The following DCAF1 variants were observed in gnomAD, a reference collection of about 807,000 sequenced individuals.
DCAF1 encodes DDB1- and CUL4-associated factor 1.
A neutral mutation model predicts 128.0 loss-of-function variants in DCAF1; 15 were observed. That is an observed-to-expected ratio of 0.12 (90% CI 0.08 to 0.18). DCAF1 has a LOEUF of 0.18. Among genes scored for constraint, DCAF1 ranks in the 10% least tolerant of loss-of-function variants. The probability of loss-of-function intolerance (pLI) is 1.00; values close to 1 mark genes in which losing one functional copy is unlikely to be tolerated. For synonymous variants in DCAF1, 610 were observed against 603.0 expected (o/e 1.01, Z -0.17); for missense variants, 988 against 1,649.5 (o/e 0.60, Z 6.95).
intron 23 of DCAF1, among the ~76,000 whole-genome samples, chr3:51,404,335 C>A (rs1203999089): frequency 6.6e-6 from 1 of 152,192 alleles, no homozygotes; most frequent in African/African-American, 2.4e-5. Flanking sequence ...ATGTAAAATT[C>A]ATTTAATACA....
At chr3:51,459,192 C>A (rs1216415058) in intron 6 of DCAF1, among the ~76,000 whole-genome samples, 1 of 152,066 alleles carries the variant, frequency 6.6e-6, no homozygotes, top group Non-Finnish European at 1.5e-5. Context: ...ACAGAAGGAT[C>A]AAATAGACAC....
chr3:51,450,226 A>G (rs1202946314), intron 6 of DCAF1, among the ~76,000 whole-genome samples: 2 of 152,316 alleles, frequency 1.3e-5, no homozygotes, highest in East Asian at 3.9e-4. Context: ...AATCCTTCTC[A>G]TAACTCTTCC....
chr3:51,474,084 C>T (rs955196725), intron 3 of DCAF1, among the ~76,000 whole-genome samples: 5 of 151,892 alleles, frequency 3.3e-5, no homozygotes, highest in Non-Finnish European at 7.4e-5. Context: ...GCTGGGATTA[C>T]AGGTGTGAGC....
intron 3 of DCAF1, among the ~76,000 whole-genome samples, chr3:51,476,917 A>G (rs1358740626): frequency 6.6e-6 from 1 of 151,896 alleles, no homozygotes; most frequent in African/African-American, 2.4e-5. Context: ...CCCTGTCTCT[A>G]TTAAAAAAAA....
intron 12 of DCAF1, among the ~76,000 whole-genome samples, chr3:51,427,765 T>A (rs374639697): frequency 6.6e-6 from 1 of 152,128 alleles, no homozygotes; most frequent in Admixed American, 6.6e-5. Flanking sequence ...CCCAAGTAGC[T>A]AGAACCACAG....
chr3:51,475,240 A>AC (rs1240914891), intron 3 of DCAF1, among the ~76,000 whole-genome samples: 1 of 150,830 alleles, frequency 6.6e-6, no homozygotes, highest in African/African-American at 2.4e-5. Context: ...TCAAAAAAGA[A>AC]AAAAAAAAAC....
chr3:51,490,261 C>T (rs1443863274), intron 2 of DCAF1, among the ~76,000 whole-genome samples: 1 of 151,976 alleles, frequency 6.6e-6, no homozygotes, highest in Non-Finnish European at 1.5e-5. Flanking sequence ...ACAAAAAAGG[C>T]AAAAAATTAG....
intron 14 of DCAF1, among the ~76,000 whole-genome samples, chr3:51,421,267 ATT>A (rs1303090153): frequency 6.6e-6 from 1 of 151,962 alleles, no homozygotes; most frequent in Non-Finnish European, 1.5e-5. Context: ...TGGTTTTATT[ATT>A]TTTTTGAGGC....
At chr3:51,459,592 A>G (rs552286056) in intron 6 of DCAF1, among the ~76,000 whole-genome samples, 7 of 152,136 alleles carry the variant, frequency 4.6e-5, no homozygotes, top group African/African-American at 1.7e-4. Context: ...AAGCCTGGCA[A>G]AGACACAACC....
intron 2 of DCAF1, among the ~76,000 whole-genome samples, chr3:51,485,885 ATTTTT>A (rs10536057): frequency 0.84 from 114,800 of 137,288 alleles, 47,411 homozygotes; most frequent in East Asian, 0.92. Context: ...AAGATTATTT[ATTTTT>A]TTTTTTTTTT....
intron 3 of DCAF1, among the ~76,000 whole-genome samples, chr3:51,473,490 C>CAA (rs113483060): frequency 0.019 from 436 of 22,754 alleles, 7 homozygotes; most frequent in Middle Eastern, 0.036. Context: ...GACTCCATCT[C>CAA]AAAAAAAAAA....
At chr3:51,416,659 C>T (rs886183173) in intron 18 of DCAF1, 128 bp downstream of exon 18, 19 of 1,328,372 alleles carry the variant, frequency 1.4e-5, no homozygotes, top group Non-Finnish European at 2.0e-5. Flanking sequence ...CTTTTAGATT[C>T]TAACTAGAAG....
At chr3:51,456,463 C>G (rs1424377718) in intron 6 of DCAF1, among the ~76,000 whole-genome samples, 4 of 152,172 alleles carry the variant, frequency 2.6e-5, no homozygotes, top group Non-Finnish European at 4.4e-5. Flanking sequence ...GCCTGCCTGC[C>G]TCTGTAGGCT....
intron 2 of DCAF1, among the ~76,000 whole-genome samples, chr3:51,494,267 A>G (rs1707997266): frequency 6.6e-6 from 1 of 151,564 alleles, no homozygotes; most frequent in South Asian, 2.1e-4. Flanking sequence ...GGCACCGGCC[A>G]CCACACCCGG....
upstream of DCAF1, among the ~76,000 whole-genome samples, chr3:51,501,643 A>T (rs1361600863): frequency 6.6e-6 from 1 of 152,040 alleles, no homozygotes; most frequent in Non-Finnish European, 1.5e-5. Flanking sequence ...CCCTCTTTCC[A>T]GAAAAGGGAC....
intron 6 of DCAF1, among the ~76,000 whole-genome samples, chr3:51,448,719 T>G (rs1345653203): frequency 6.6e-6 from 1 of 152,138 alleles, no homozygotes; most frequent in Non-Finnish European, 1.5e-5. Flanking sequence ...ACTTCTTCAT[T>G]ATGCAAACAA....
intron 23 of DCAF1, among the ~76,000 whole-genome samples, chr3:51,404,185 AAAGATACCTCTTTGCTTTGAC>A (rs1214185017): frequency 6.6e-6 from 1 of 152,236 alleles, no homozygotes; most frequent in East Asian, 1.9e-4. Flanking sequence ...GAGAGGACAC[AAAGATACCTCTTTGCTTTGAC>A]AGGGATAAGA....
intron 6 of DCAF1, among the ~76,000 whole-genome samples, chr3:51,452,387 G>A (rs527563119): frequency 3.3e-5 from 5 of 152,024 alleles, no homozygotes; most frequent in Non-Finnish European, 7.4e-5. Flanking sequence ...AAAAAAAGCT[G>A]CATAGGATAC....
At chr3:51,480,011 C>G (rs1287125722) in intron 3 of DCAF1, among the ~76,000 whole-genome samples, 1 of 150,400 alleles carries the variant, frequency 6.6e-6, no homozygotes, top group East Asian at 2.0e-4. Context: ...GAAACCCTGT[C>G]TCCACCAAAA....
Sources: allele counts gnomAD v4.1 joint callset (sites outside exome capture counted in the v4.1 genomes callset), GRCh38; gene constraint gnomAD v4.1.1; transcripts MANE v1.5; gene names NCBI Gene and HGNC (gene_info 2026-07-23, HGNC 2026-07-21).